Variants in SPAG16 observed in about 807,000 individuals in gnomAD.
SPAG16 encodes sperm-associated antigen 16 protein.
Under a neutral mutation model 80.4 loss-of-function variants are expected in SPAG16, and 86 were observed. The ratio of observed to expected loss-of-function variants is 1.07; its 90% CI spans 0.90 to 1.28. SPAG16 has a LOEUF of 1.28. Ranked by LOEUF, SPAG16 falls within the 50% of genes most tolerant of loss-of-function variation. The probability of loss-of-function intolerance (pLI) is 0.00; values close to 1 mark genes in which losing one functional copy is unlikely to be tolerated. For synonymous variants in SPAG16, 294 were observed against 265.9 expected, an observed-to-expected ratio of 1.11 and a Z score of -1.03; for missense variants, 870 against 765.3, an observed-to-expected ratio of 1.14 and a Z score of -1.61.
chr2:214,390,247 T>C (rs1700991766), intron 15 of SPAG16, among the ~76,000 whole-genome samples: 1 of 151,644 alleles, frequency 6.6e-6, no homozygotes, highest in South Asian at 2.1e-4. Context: ...AATGTTTTAC[T>C]CTAACTCTGT....
At chr2:213,344,757 A>T (rs1029755853) in intron 6 of SPAG16, among the ~76,000 whole-genome samples, 60 of 151,960 alleles carry the variant, frequency 3.9e-4, no homozygotes, top group African/African-American at 1.4e-3. Context: ...TATGTGCCAC[A>T]TTTTCTTAAT....
intron 3 of SPAG16, among the ~76,000 whole-genome samples, chr2:213,306,661 C>A (rs1463341157): frequency 6.6e-6 from 1 of 151,950 alleles, no homozygotes; most frequent in African/African-American, 2.4e-5. Context: ...CTTGCTAGGG[C>A]TGGTTGAAAT....
intron 10 of SPAG16, among the ~76,000 whole-genome samples, chr2:213,534,792 T>C (rs997367531): frequency 2.6e-5 from 4 of 152,102 alleles, no homozygotes; most frequent in African/African-American, 7.2e-5. Context: ...GCTACTATTA[T>C]GGGGCTGAAT....
chr2:213,670,276 G>A (rs926551238), intron 10 of SPAG16, among the ~76,000 whole-genome samples: 18 of 152,052 alleles, frequency 1.2e-4, no homozygotes, highest in African/African-American at 4.3e-4. Context: ...GATTACAGGC[G>A]TGAGCCACCG....
At chr2:214,148,911 A>G (rs2055806736) in intron 14 of SPAG16, among the ~76,000 whole-genome samples, 1 of 151,766 alleles carries the variant, frequency 6.6e-6, no homozygotes, top group Non-Finnish European at 1.5e-5. Flanking sequence ...ATATCATTTT[A>G]ATAATTTTAT....
chr2:214,381,068 T>C (rs1484101361), intron 15 of SPAG16, among the ~76,000 whole-genome samples: 2 of 152,186 alleles, frequency 1.3e-5, no homozygotes, highest in Non-Finnish European at 2.9e-5. Flanking sequence ...TGCTACCTTT[T>C]TTTCCCCAGG....
intron 14 of SPAG16, 96 bp from the exon 15 acceptor site, chr2:214,149,042 AGT>A (rs1423710514): frequency 9.8e-5 from 36 of 368,360 alleles, no homozygotes; most frequent in East Asian, 6.0e-4. Context: ...GTATATATGT[AGT>A]GTGTGTGTGT....
chr2:214,321,368 G>A (rs1213500448), intron 15 of SPAG16, among the ~76,000 whole-genome samples: 2 of 152,174 alleles, frequency 1.3e-5, no homozygotes, highest in African/African-American at 2.4e-5. Flanking sequence ...GGCCACTGAA[G>A]ATATTAGTAG....
At chr2:213,289,060 G>A (rs1414826084) in intron 1 of SPAG16, among the ~76,000 whole-genome samples, 1 of 152,216 alleles carries the variant, frequency 6.6e-6, no homozygotes. Flanking sequence ...AGGCGTTAAT[G>A]TGCATATGAC....
At chr2:213,372,508 G>A (rs754575184) in intron 8 of SPAG16, among the ~76,000 whole-genome samples, 6 of 151,946 alleles carry the variant, frequency 3.9e-5, no homozygotes, top group South Asian at 4.1e-4. Flanking sequence ...TTTTAAGTTC[G>A]TGTTTTGTTG....
At chr2:213,410,982 C>G (rs1170289488) in intron 9 of SPAG16, among the ~76,000 whole-genome samples, 1 of 152,192 alleles carries the variant, frequency 6.6e-6, no homozygotes, top group Non-Finnish European at 1.5e-5. Flanking sequence ...GGGAGGAAAC[C>G]TAGTGTTCCT....
intron 14 of SPAG16, among the ~76,000 whole-genome samples, chr2:214,118,168 A>G (rs890971096): frequency 5.3e-5 from 8 of 152,222 alleles, no homozygotes; most frequent in African/African-American, 1.9e-4. Flanking sequence ...CACAAAATCA[A>G]TAAAAAATAG....
intron 15 of SPAG16, among the ~76,000 whole-genome samples, chr2:214,187,685 A>AAG (rs199931590): frequency 0.3 from 45,272 of 151,620 alleles, 8,463 homozygotes; most frequent in Non-Finnish European, 0.41. Context: ...TGTCTGCCAT[A>AAG]ACAAACCTCA....
At chr2:214,172,654 T>G (rs1481242284) in intron 15 of SPAG16, among the ~76,000 whole-genome samples, 1 of 152,098 alleles carries the variant, frequency 6.6e-6, no homozygotes, top group Non-Finnish European at 1.5e-5. Context: ...TTTCTAGTTC[T>G]AGATCCCTGA....
At position 213,765,966 on chromosome 2, in the gene SPAG16, G is replaced by A. The variant is rs571555308; in HGVS notation, c.1071-96519G>A. On this transcript the variant is annotated intron_variant, in intron 10 of 15. Coordinates refer to ENST00000331683, the MANE Select transcript of SPAG16 (RefSeq NM_024532.5). Reference sequence around the variant, plus strand: ...AGGCCAGAGTCAAACAAGAATGAATGTAACATTGACCTGGAACTGACCTTG... The same window carrying A: ...AGGCCAGAGTCAAACAAGAATGAATATAACATTGACCTGGAACTGACCTTG... 1.6e-3 allele frequency among the ~76,000 whole-genome samples: 245 copies of A among 152,338 alleles called. 6 individuals carry two copies. The highest frequency in any genetic ancestry group is 0.016 in the Admixed American group (245 of 15,308).
rs1197430814 is a variant in SPAG16 at position 213,284,512 on chromosome 2, C to T, written c.29C>T (p.Ser10Phe). 1.3e-6 allele frequency: 2 copies of T among 1,581,914 alleles called. No individual in the cohort carries two copies. Among genetic ancestry groups the T allele is most frequent in the Non-Finnish European group, 8.6e-7 (1 of 1,164,370 alleles). Residue 10 changes from serine (S) to phenylalanine (F), a missense_variant, in exon 1 of 16, where the codon TCC becomes TTC. Transcript: ENST00000331683. ...GCTGCTCAGCGAGGGATGCCCAGCT[C>T]CGCCGTGAGGGTCCTGGAAGAGGCG... MAAQRGMPS[S>F]AVRVLEEALG...
chr2:214,407,968 T>G (rs553865256), intron 15 of SPAG16, among the ~76,000 whole-genome samples: 11 of 151,254 alleles, frequency 7.3e-5, no homozygotes, highest in Non-Finnish European at 1.2e-4. Flanking sequence ...TCTTGCAATC[T>G]TCTGAAAATG....
At chr2:213,833,521 A>ATATTAT (rs1491409599) in intron 10 of SPAG16, among the ~76,000 whole-genome samples, 1 of 1,862 alleles carries the variant, frequency 5.4e-4, no homozygotes, top group Non-Finnish European at 1.3e-3. Flanking sequence ...TAATATATAT[A>ATATTAT]ATATATATAT....
intron 9 of SPAG16, among the ~76,000 whole-genome samples, chr2:213,401,698 T>C (rs1259261786): frequency 2.0e-5 from 3 of 152,194 alleles, no homozygotes; most frequent in Non-Finnish European, 2.9e-5. Flanking sequence ...GGTGATTTTG[T>C]CCACTTATAT....
Sources: gnomAD v4.1 joint callset for allele counts (sites outside exome capture counted in the v4.1 genomes callset) on GRCh38, gnomAD v4.1.1 for gene constraint, MANE v1.5 for transcripts, NCBI Gene and HGNC (gene_info 2026-07-23, HGNC 2026-07-21) for gene names.